The following SLC4A8 variants were observed in gnomAD, a reference collection of about 807,000 sequenced individuals.
SLC4A8 encodes the protein electroneutral sodium bicarbonate exchanger 1.
SLC4A8 carries 40 observed loss-of-function variants against 125.0 expected under a neutral mutation model. The observed-to-expected ratio is 0.32, with a 90% CI of 0.25 to 0.42. The LOEUF is 0.42. Among genes scored for constraint, SLC4A8 ranks in the 10% least tolerant of loss-of-function variants. The pLI is 1.00. For missense variants in SLC4A8, 863 were observed against 1,355.1 expected (o/e 0.64, Z 5.70); for synonymous variants, 456 against 476.0 (o/e 0.96, Z 0.55).
At chr12:51,412,661 A>T (rs549986874) in intron 1 of SLC4A8, among the ~76,000 whole-genome samples, 1 of 152,298 alleles carries the variant, frequency 6.6e-6, no homozygotes, top group South Asian at 2.1e-4. Flanking sequence ...AAGCTCCCAT[A>T]TAAGTGAGAA....
rs1158843688 is a variant in SLC4A8 at position 51,479,971 on chromosome 12, T to C, written c.2172+4765T>C. ...AGGCCAAGTTTTGTATAAATGGAAT[T>C]TTTTTTTTTTTTTTTTTCAGATGGA... On this transcript the variant is annotated intron_variant, in intron 16 of 24. Transcript: ENST00000453097. 7 of 12,852 alleles carry C rather than the reference T, an allele frequency of 5.4e-4. No individual in the cohort carries two copies. In the African/African-American group the frequency reaches 8.8e-3, roughly 16 times the overall value. 0.8% of individuals were successfully genotyped at this position (12,852 alleles called of 1,614,324 possible). A position where few individuals can be genotyped will look rare whatever the true frequency, so the allele number is the denominator to read the frequency against.
intron 16 of SLC4A8, among the ~76,000 whole-genome samples, chr12:51,483,720 C>A (rs558376155): frequency 6.6e-6 from 1 of 151,714 alleles, no homozygotes; most frequent in Non-Finnish European, 1.5e-5. Flanking sequence ...AAGTATAATG[C>A]GAAAATTTTA....
chr12:51,475,886 A>G (rs1307025604), intron 16 of SLC4A8, among the ~76,000 whole-genome samples: 1 of 152,230 alleles, frequency 6.6e-6, no homozygotes, highest in African/African-American at 2.4e-5. Context: ...GTTAACACTG[A>G]AAAGAATAAG....
Position 51,404,217 on chromosome 12 carries a change from A to G in SLC4A8, c.-112+12729A>G, listed in dbSNP as rs116086611. Among the ~76,000 whole-genome samples, 810 of 152,280 alleles carry G rather than the reference A, an allele frequency of 5.3e-3. 7 individuals are homozygous for G. The highest frequency in any genetic ancestry group is 0.018 in the African/African-American group (766 of 41,554). ...CCCTGGGCTGCCTGGTGAGCATAAA[A>G]TTGTCAGTCTGTGGAAGTTGACTCC... On this transcript the variant is annotated intron_variant, in intron 1 of 24. Coordinates refer to the SLC4A8 transcript ENST00000358657.
intron 1 of SLC4A8, among the ~76,000 whole-genome samples, chr12:51,418,244 G>A (rs1446381152): frequency 2.0e-5 from 3 of 152,280 alleles, no homozygotes; most frequent in African/African-American, 2.4e-5. Flanking sequence ...AGCCTCATTC[G>A]ATGGTGAGTA....
chr12:51,468,797 T>A (rs1018552247), intron 11 of SLC4A8, among the ~76,000 whole-genome samples: 10 of 152,236 alleles, frequency 6.6e-5, no homozygotes, highest in African/African-American at 1.7e-4. Flanking sequence ...AACCATTTTT[T>A]AAGGCCTTTT....
At chr12:51,453,297 C>T (rs1163862756) in intron 4 of SLC4A8, among the ~76,000 whole-genome samples, 3 of 152,088 alleles carry the variant, frequency 2.0e-5, no homozygotes, top group Non-Finnish European at 4.4e-5. Context: ...GTGTCTTATA[C>T]ATGTATGTAT....
At chr12:51,461,142 G>A in intron 8 of SLC4A8, 62 bp from the exon 9 acceptor site, 1 of 789,456 alleles carries the variant, frequency 1.3e-6, no homozygotes, top group Non-Finnish European at 2.2e-6. Flanking sequence ...ACTGTTTAGA[G>A]AGGACTAATG....
intron 1 of SLC4A8, chr12:51,425,533 G>A: frequency 1.6e-6 from 1 of 623,330 alleles, no homozygotes; most frequent in Non-Finnish European, 2.0e-6. Flanking sequence ...GGGTGACCCG[G>A]TTTGTGACTC....
At position 51,453,710 on chromosome 12, in the gene SLC4A8, G is replaced by A. The variant is rs1950038213; in HGVS notation, c.574+11G>A. ...TAGAAGAAATTTCAGGTAAGGTTGG[G>A]GAAGGGAAAACAGAGCAACTTTCTT... On this transcript the variant is annotated intron_variant, in intron 5 of 24. Transcript: ENST00000453097. 1 of 1,608,322 alleles carries A rather than the reference G, an allele frequency of 6.2e-7. No individual in the cohort carries two copies. The highest frequency in any genetic ancestry group is 8.5e-7 in the Non-Finnish European group (1 of 1,176,276).
At chr12:51,438,049 G>T (rs1451324619) in intron 1 of SLC4A8, among the ~76,000 whole-genome samples, 1 of 152,082 alleles carries the variant, frequency 6.6e-6, no homozygotes, top group Non-Finnish European at 1.5e-5. Flanking sequence ...ATTCATTGGG[G>T]TGCATGGTGA....
chr12:51,504,099 C>T lies in SLC4A8; in HGVS notation c.3152C>T (p.Pro1051Leu), dbSNP rs1938060178. ...PLESRKLLSS[P>L]GKNISCRCDP... is the part of the protein sequence containing the mutation. ...GAGAGCAGGAAGTTACTAAGTAGTC[C>T]TGGAAAGAACATCAGTTGCAGGTAA... The change falls in exon 23 of 25, where the codon CCT becomes CTT. Residue 1051 changes from proline (P) to leucine (L), a missense_variant. By Grantham distance (98) the Pro-to-Leu change is moderately conservative. This residue lies in a region of SLC4A8 where 92 missense variants were observed against 125.6 expected (regional missense o/e 0.73). Coordinates refer to ENST00000453097, the MANE Select transcript of SLC4A8 (RefSeq NM_001039960.3). 1 of 1,578,086 alleles carries T rather than the reference C, an allele frequency of 6.3e-7. No homozygotes were observed. Among genetic ancestry groups the T allele is most frequent in the Non-Finnish European group, 8.6e-7 (1 of 1,158,676 alleles).
At chr12:51,492,849 C>G (rs1032667916) in intron 19 of SLC4A8, among the ~76,000 whole-genome samples, 1 of 151,504 alleles carries the variant, frequency 6.6e-6, no homozygotes, top group East Asian at 1.9e-4. Context: ...TTGCCCCCCA[C>G]CCCCCAACAG....
intron 17 of SLC4A8, 87 bp from the exon 18 acceptor site, chr12:51,488,612 G>C (rs1951222291): frequency 2.5e-6 from 2 of 809,200 alleles, no homozygotes; most frequent in Admixed American, 2.7e-5. Flanking sequence ...AGAATAAAAA[G>C]AAATATGGAT....
In SLC4A8 at chr12:51,514,879, G is replaced by C. The variant is rs190043285; in HGVS notation, c.*7441G>C. On this transcript the variant is annotated 3_prime_UTR_variant, in exon 25 of 25. Coordinates refer to ENST00000453097, the MANE Select transcript of SLC4A8 (RefSeq NM_001039960.3). ...GAGTGTTATGTGAACCTTTTCAGTA[G>C]GGAAATTCAGAAAATGGAATGATTC... 134 of 152,306 alleles carry C rather than the reference G, an allele frequency of 8.8e-4. No homozygotes were observed. The highest frequency in any genetic ancestry group is 2.9e-3 in the African/African-American group (121 of 41,572). The allele number at this position is 152,306 out of a possible 1,614,324, so 9.4% of individuals were successfully genotyped here.
Position 51,469,894 on chromosome 12 carries a change from T to C in SLC4A8, c.1524+106T>C, listed in dbSNP as rs1204285414. 6.9e-6 allele frequency: 7 copies of C among 1,014,016 alleles called. No homozygotes were observed. The East Asian group carries it at 9.7e-5, about 14-fold the overall frequency. The allele number at this position is 1,014,016 out of a possible 1,614,324, so 62.8% of individuals were successfully genotyped here. On this transcript the variant is annotated intron_variant, in intron 12 of 24. Coordinates refer to ENST00000453097, the MANE Select transcript of SLC4A8 (RefSeq NM_001039960.3). ...ATTACTTGGTCTAGGACTGAAGAGA[T>C]TGGATTTTTCCTCTGAATTACCATG...
chr12:51,505,685 C>T (rs1248343402), intron 23 of SLC4A8, 150 bp from the exon 24 acceptor site: 1 of 472,924 alleles, frequency 2.1e-6, no homozygotes, highest in East Asian at 3.3e-5. Flanking sequence ...AAAGATCAGA[C>T]TCCATCTTGT....
intron 1 of SLC4A8, among the ~76,000 whole-genome samples, chr12:51,439,890 A>C (rs1949539153): frequency 6.6e-6 from 1 of 152,204 alleles, no homozygotes; most frequent in Non-Finnish European, 1.5e-5. Context: ...AAGGAAAGTT[A>C]GTTGGGTTTT....
Position 51,495,068 on chromosome 12 carries a change from C to T in SLC4A8, c.2893C>T (p.Leu965=). 6.2e-7 allele frequency: 1 copy of T among 1,614,096 alleles called. No individual in the cohort carries two copies. The highest frequency in any genetic ancestry group is 8.5e-7 in the Non-Finnish European group (1 of 1,179,930). The part of the protein sequence containing the change: ...FTLIQLTCLV[L]LWVIKASPAA... ...CCTCATCCAGTTGACCTGTCTCGTC[C>T]TGCTCTGGGTCATCAAGGCATCTCC... is the stretch of plus-strand genomic sequence containing the variant. Residue 965 remains leucine (L), a synonymous_variant, in exon 21 of 25, where the codon CTG becomes TTG. Transcript: ENST00000453097.
Sources: allele counts gnomAD v4.1 joint callset (sites outside exome capture counted in the v4.1 genomes callset), GRCh38; gene constraint gnomAD v4.1.1; regional missense constraint gnomAD v4.1.1; transcripts MANE v1.5; gene names NCBI Gene and HGNC (gene_info 2026-07-23, HGNC 2026-07-21).